The following ZFPM2 variants were observed in gnomAD, a reference collection of about 807,000 sequenced individuals.
ZFPM2 encodes the protein zinc finger protein, FOG family member 2.
ZFPM2 carries 20 observed loss-of-function variants against 98.6 expected under a neutral mutation model. The observed-to-expected ratio is 0.20, with a 90% CI of 0.14 to 0.29. The LOEUF (loss-of-function observed/expected upper bound fraction) is 0.29, where lower values mean the gene tolerates loss of function less well. ZFPM2 is among the 10% of genes least tolerant of loss of function. ZFPM2 has a pLI of 1.00. For missense variants in ZFPM2, 1,310 were observed against 1,388.6 expected (o/e 0.94, Z 0.90); for synonymous variants, 518 against 502.7 (o/e 1.03, Z -0.41).
intron 3 of ZFPM2, among the ~76,000 whole-genome samples, chr8:105,506,212 T>C (rs1415263077): frequency 6.6e-6 from 1 of 152,188 alleles, no homozygotes; most frequent in Non-Finnish European, 1.5e-5. Flanking sequence ...TTTGTAAATA[T>C]ATCAATTCTG....
intron 1 of ZFPM2, among the ~76,000 whole-genome samples, chr8:105,329,745 A>G (rs1421397001): frequency 6.6e-6 from 1 of 151,768 alleles, no homozygotes; most frequent in African/African-American, 2.4e-5. Context: ...TCTAGTGCAC[A>G]ACACAGACAT....
intron 4 of ZFPM2, among the ~76,000 whole-genome samples, chr8:105,613,071 ATTAAAACAGAT>A (rs1218036264): frequency 3.2e-4 from 48 of 152,282 alleles, no homozygotes; most frequent in Non-Finnish European, 1.0e-4. Context: ...GGTTTATTTG[ATTAAAACAGAT>A]TTAAATGATT....
chr8:105,569,547 C>T (rs1388200180), intron 4 of ZFPM2, among the ~76,000 whole-genome samples: 4 of 152,182 alleles, frequency 2.6e-5, no homozygotes, highest in African/African-American at 9.6e-5. Flanking sequence ...ATAACTATGT[C>T]TATTTCTTCA....
At chr8:105,704,616 A>G (rs1324135697) in intron 5 of ZFPM2, among the ~76,000 whole-genome samples, 3 of 152,238 alleles carry the variant, frequency 2.0e-5, no homozygotes, top group Admixed American at 1.3e-4. Context: ...AAAGAAAATA[A>G]GTAGCGGGTG....
chr8:105,440,853 T>G (rs1812222215), intron 2 of ZFPM2, among the ~76,000 whole-genome samples: 1 of 152,092 alleles, frequency 6.6e-6, no homozygotes, highest in African/African-American at 2.4e-5. Flanking sequence ...GTGGCTGAAC[T>G]CAAATCAGAG....
At chr8:105,384,018 T>G (rs1049376354) in intron 1 of ZFPM2, among the ~76,000 whole-genome samples, 2 of 152,184 alleles carry the variant, frequency 1.3e-5, no homozygotes, top group African/African-American at 2.4e-5. Flanking sequence ...TTCCATTAAC[T>G]GAAGTATGCT....
intron 4 of ZFPM2, among the ~76,000 whole-genome samples, chr8:105,632,207 T>C (rs1422853491): frequency 6.6e-6 from 1 of 152,150 alleles, no homozygotes; most frequent in Non-Finnish European, 1.5e-5. Context: ...TCTAGCCCTG[T>C]CACCCTGGCT....
At chr8:105,709,646 A>C (rs1811334987) in intron 5 of ZFPM2, among the ~76,000 whole-genome samples, 1 of 152,180 alleles carries the variant, frequency 6.6e-6, no homozygotes, top group Non-Finnish European at 1.5e-5. Flanking sequence ...CTTAACTGAG[A>C]GTAGGTCAGT....
At chr8:105,799,343 G>A (rs918932127) in intron 7 of ZFPM2, among the ~76,000 whole-genome samples, 3 of 152,156 alleles carry the variant, frequency 2.0e-5, no homozygotes, top group East Asian at 3.9e-4. Flanking sequence ...ATAAATATAA[G>A]TGTGTGCTGA....
In ZFPM2 at chr8:105,462,418, G is replaced by A. The variant is rs1244207208; in HGVS notation, c.301+18037G>A. 2.0e-5 allele frequency among the ~76,000 whole-genome samples: 3 copies of A among 152,098 alleles called. 1 individual carries two copies. The highest frequency in any genetic ancestry group is 4.1e-4 in the South Asian group (2 of 4,832). On this transcript the variant is annotated intron_variant, in intron 3 of 7. Transcript: ENST00000407775. ...CTTCCCTCTGCAAAGCTTCCTGTGC[G>A]AAGAAGGCTGGACGAGGGAGAGACT...
rs1209037198 is a variant in ZFPM2, at chr8:105,535,830, C to T, written c.302-25533C>T. On this transcript the variant is annotated intron_variant, in intron 3 of 7. Coordinates refer to ENST00000407775, the MANE Select transcript of ZFPM2 (RefSeq NM_012082.4). ...TTATGTTCATGGACTTCAGTATTCC[C>T]AAATGACCACTCTATGACATTACTT... Among the ~76,000 whole-genome samples, 4 of 152,158 alleles carry T rather than the reference C, an allele frequency of 2.6e-5. No individual in the cohort carries two copies. In the East Asian group the frequency reaches 7.7e-4, roughly 29 times the overall value.
At position 105,649,774 on chromosome 8, in the gene ZFPM2, TC is replaced by T. The variant is rs780875656; in HGVS notation, c.532+15418del. ...TAAGCTTTTTGATGTGCTGCTGGAT[TC>T]AGTTTGCCAGTATTTTATTGAGGAT... On this transcript the variant is annotated intron_variant, in intron 5 of 7. Transcript: ENST00000407775. Among the ~76,000 whole-genome samples the T allele has an allele frequency of 3.9e-5, 6 of 152,260 alleles. No individual in the cohort carries two copies. In the East Asian group the frequency reaches 1.2e-3, roughly 29 times the overall value.
Position 105,463,343 on chromosome 8 carries a change from ATG to A in ZFPM2, c.301+18970_301+18971del, listed in dbSNP as rs778422207. 5.9e-5 allele frequency among the ~76,000 whole-genome samples: 9 copies of A among 151,806 alleles called. No individual in the cohort carries two copies. In the East Asian group the frequency reaches 1.4e-3, roughly 23 times the overall value. ...TATATAGAGTTTTTATAAGCTATATATGTGTGTGTATATATAGTTTATAAAAA... is the reference window on the plus strand; with the variant it reads ...TATATAGAGTTTTTATAAGCTATATATGTGTGTATATATAGTTTATAAAAA... On this transcript the variant is annotated intron_variant, in intron 3 of 7. Coordinates refer to ENST00000407775, the MANE Select transcript of ZFPM2 (RefSeq NM_012082.4).
At chr8:105,731,415 G>T (rs1278890995) in intron 5 of ZFPM2, among the ~76,000 whole-genome samples, 3 of 151,526 alleles carry the variant, frequency 2.0e-5, no homozygotes, top group East Asian at 2.0e-4. Flanking sequence ...TATAATATCT[G>T]TGCTATTTGG....
At chr8:105,492,966 A>AT (rs1438361523) in intron 3 of ZFPM2, among the ~76,000 whole-genome samples, 1 of 152,122 alleles carries the variant, frequency 6.6e-6, no homozygotes, top group African/African-American at 2.4e-5. Context: ...TTAATGTAGT[A>AT]TTTTTTGTAT....
intron 3 of ZFPM2, among the ~76,000 whole-genome samples, chr8:105,454,488 G>A (rs888885676): frequency 1.3e-5 from 2 of 152,192 alleles, no homozygotes; most frequent in Non-Finnish European, 2.9e-5. Flanking sequence ...GTACTATGTG[G>A]TAGGAATGCT....
intron 4 of ZFPM2, among the ~76,000 whole-genome samples, chr8:105,570,873 G>T (rs1436828439): frequency 6.6e-6 from 1 of 152,082 alleles, no homozygotes; most frequent in African/African-American, 2.4e-5. Flanking sequence ...TTTACCCTTA[G>T]TTAGGCCAAG....
At chr8:105,508,818 G>C (rs1311007576) in intron 3 of ZFPM2, among the ~76,000 whole-genome samples, 2 of 146,164 alleles carry the variant, frequency 1.4e-5, no homozygotes, top group African/African-American at 2.6e-5. Context: ...TTTCCCCCTC[G>C]CATTGTTGTG....
At chr8:105,625,622 C>G (rs1290344087) in intron 4 of ZFPM2, among the ~76,000 whole-genome samples, 3 of 151,834 alleles carry the variant, frequency 2.0e-5, no homozygotes, top group Admixed American at 6.6e-5. Flanking sequence ...CTCTTATACC[C>G]CAGGCTGGAG....
Sources: allele counts gnomAD v4.1 joint callset (sites outside exome capture counted in the v4.1 genomes callset), GRCh38; gene constraint gnomAD v4.1.1; transcripts MANE v1.5; gene names NCBI Gene and HGNC (gene_info 2026-07-23, HGNC 2026-07-21).